Variants in MSANTD2 observed in about 807,000 individuals in gnomAD.
MSANTD2 encodes myb/SANT-like DNA-binding domain-containing protein 2.
MSANTD2 carries 19 observed loss-of-function variants against 52.6 expected under a neutral mutation model. The ratio of observed to expected loss-of-function variants is 0.36; its 90% CI spans 0.25 to 0.53. MSANTD2 has a LOEUF of 0.53. Ranked by LOEUF, MSANTD2 falls within the 20% of genes least tolerant of loss-of-function variation. The pLI, the probability that MSANTD2 is intolerant of heterozygous loss-of-function variation, is 0.91. For missense variants in MSANTD2, 558 were observed against 716.3 expected (o/e 0.78, Z 2.52); for synonymous variants, 291 against 289.7 (o/e 1.00, Z -0.04).
At chr11:124,783,492 C>T (rs1945054995) in intron 1 of MSANTD2, among the ~76,000 whole-genome samples, 1 of 152,066 alleles carries the variant, frequency 6.6e-6, no homozygotes. Flanking sequence ...TGGTGATGCA[C>T]ACCTGTAGTC....
chr11:124,774,078 C>T lies in MSANTD2; in HGVS notation c.766+641G>A, dbSNP rs548620492. 6.6e-6 allele frequency among the ~76,000 whole-genome samples: 1 copy of T among 152,292 alleles called. No individual in the cohort carries two copies. The highest frequency in any genetic ancestry group is 6.5e-5 in the Admixed American group (1 of 15,302). ...ATTTGATGACCAGGAATTTTATTTTCCATTTTTAATGCCTATGACTGTATA... is the reference window on the plus strand; with the variant it reads ...ATTTGATGACCAGGAATTTTATTTTTCATTTTTAATGCCTATGACTGTATA... On this transcript the variant is annotated intron_variant, in intron 2 of 3. Coordinates refer to ENST00000374979, the MANE Select transcript of MSANTD2 (RefSeq NM_001308027.2). This position sits in a 1 kb window ranked among gnomAD's most constrained non-coding sequence, Gnocchi z 5.1.
In MSANTD2 at chr11:124,781,933, G is replaced by A. The variant is rs1224616735; in HGVS notation, c.511-6959C>T. On this transcript the variant is annotated intron_variant, in intron 1 of 3. Transcript: ENST00000374979. ...CTCCCAAAGTGCTGGGATTACAGGC[G>A]TGAGCCACCACGCCTGGCCAATGTC... is the stretch of plus-strand genomic sequence containing the variant. 3.9e-5 allele frequency among the ~76,000 whole-genome samples: 6 copies of A among 152,082 alleles called. No individual in the cohort carries two copies. The East Asian group carries it at 7.7e-4, about 20-fold the overall frequency.
intron 1 of MSANTD2, chr11:124,790,957 C>A (rs1357121974): frequency 3.4e-6 from 1 of 295,516 alleles, no homozygotes; most frequent in Non-Finnish European, 6.5e-6. Flanking sequence ...AAATCTTGAT[C>A]TCACTGTATT....
chr11:124,771,611 A>C (rs1438429549), intron 3 of MSANTD2, among the ~76,000 whole-genome samples: 1 of 152,186 alleles, frequency 6.6e-6, no homozygotes, highest in African/African-American at 2.4e-5. Flanking sequence ...CTCTACTAAA[A>C]ATACGAAAAT....
chr11:124,767,158 C>T lies in MSANTD2; in HGVS notation c.*18G>A. ...AGAAGAAGGAGCTAAGAGCCCAAAT[C>T]CTTATGAAGGATGACATTCAGTTGT... On this transcript the variant is annotated 3_prime_UTR_variant, in exon 4 of 4. Transcript: ENST00000374979. The surrounding 1 kb of genome is among the most constrained non-coding windows in gnomAD (Gnocchi z 6.5). 6.4e-7 allele frequency: 1 copy of T among 1,572,534 alleles called. No individual in the cohort carries two copies. Among genetic ancestry groups the T allele is most frequent in the Non-Finnish European group, 8.6e-7 (1 of 1,162,458 alleles).
intron 1 of MSANTD2, among the ~76,000 whole-genome samples, chr11:124,798,452 T>TA (rs1174104808): frequency 6.6e-6 from 1 of 152,162 alleles, no homozygotes; most frequent in Non-Finnish European, 1.5e-5. Context: ...AGCTTTGTCC[T>TA]ATTAGCTACT....
At chr11:124,793,327 C>T (rs1208894754) in intron 1 of MSANTD2, among the ~76,000 whole-genome samples, 1 of 152,074 alleles carries the variant, frequency 6.6e-6, no homozygotes, top group East Asian at 1.9e-4. Context: ...ATCGCCAACT[C>T]TCATCATATT....
intron 3 of MSANTD2, 54 bp downstream of exon 3, chr11:124,772,940 T>C: frequency 9.1e-7 from 1 of 1,093,378 alleles, no homozygotes; most frequent in Admixed American, 1.7e-5. Context: ...ATCTTCCCAA[T>C]GGTCATTAAA....
rs189806804 is a variant in MSANTD2 at position 124,772,533 on chromosome 11, C to T, written c.827+461G>A. Among the ~76,000 whole-genome samples, 514 of 152,094 alleles carry T rather than the reference C, an allele frequency of 3.4e-3. 11 individuals carry two copies. The highest frequency in any genetic ancestry group is 0.031 in the Admixed American group (476 of 15,276). ...TGGGCGGATCACCAGGTCAGGAGATCGAGATAATCCTGGCTAACACGATGA... is the reference window on the plus strand; with the variant it reads ...TGGGCGGATCACCAGGTCAGGAGATTGAGATAATCCTGGCTAACACGATGA... On this transcript the variant is annotated intron_variant, in intron 3 of 3. Transcript: ENST00000374979.
chr11:124,799,543 T>G (rs969022945), intron 1 of MSANTD2, among the ~76,000 whole-genome samples: 69 of 151,510 alleles, frequency 4.6e-4, no homozygotes, highest in Non-Finnish European at 8.1e-4. Context: ...GCCCCGGCGG[T>G]GGGGGCAAGA....
At chr11:124,785,021 AG>A (rs1945113287) in intron 1 of MSANTD2, among the ~76,000 whole-genome samples, 2 of 152,240 alleles carry the variant, frequency 1.3e-5, no homozygotes, top group African/African-American at 4.8e-5. Flanking sequence ...TTTTATTAAA[AG>A]CAACTATCCT....
chr11:124,767,648 G>C lies in MSANTD2; in HGVS notation c.1208C>G (p.Thr403Ser). 6.2e-7 allele frequency: 1 copy of C among 1,614,224 alleles called. No homozygotes were observed. Among genetic ancestry groups the C allele is most frequent in the South Asian group, 1.1e-5 (1 of 91,092 alleles). ...TAAATATTGAACAACATTCCCACCA[G>C]TTGGTTTGGAGTGGGCAATGGGTAT... ...DWIPIAHSKP[T>S]GGNVVQYLLP... is the part of the protein sequence containing the mutation. Residue 403 changes from threonine to serine, a missense_variant, in exon 4 of 4, where the codon ACT becomes AGT. Physicochemically the swap from Thr to Ser is moderately conservative, Grantham distance 58 (BLOSUM62 1). This residue lies in a region of MSANTD2 where 408 missense variants were observed against 573.6 expected (regional missense o/e 0.71). Transcript: ENST00000374979. The surrounding 1 kb of genome is among the most constrained non-coding windows in gnomAD (Gnocchi z 6.5).
intron 1 of MSANTD2, among the ~76,000 whole-genome samples, chr11:124,778,188 TCAGA>T (rs1944817761): frequency 6.6e-6 from 1 of 152,198 alleles, no homozygotes; most frequent in Non-Finnish European, 1.5e-5. Flanking sequence ...AATTCCCATT[TCAGA>T]CAGCTCTCAA....
intron 1 of MSANTD2, among the ~76,000 whole-genome samples, chr11:124,785,144 C>T (rs746841311): frequency 3.3e-5 from 5 of 152,150 alleles, no homozygotes; most frequent in Non-Finnish European, 4.4e-5. Flanking sequence ...TTTATAAAGA[C>T]TGCTAAGAGA....
intron 1 of MSANTD2, chr11:124,789,446 T>C (rs1201255686): frequency 6.6e-6 from 1 of 152,176 alleles, no homozygotes; most frequent in African/African-American, 2.4e-5. Flanking sequence ...GTTATTTATA[T>C]TGAATGAAGT....
At chr11:124,791,315 C>G (rs898338794) in intron 1 of MSANTD2, 12 of 1,435,096 alleles carry the variant, frequency 8.4e-6, no homozygotes, top group Non-Finnish European at 1.2e-5. Flanking sequence ...TGGAGGGTCT[C>G]CAGGAGAGAG....
At position 124,779,242 on chromosome 11, in the gene MSANTD2, C is replaced by G. The variant is rs1944858610; in HGVS notation, c.511-4268G>C. 6.6e-6 allele frequency: 1 copy of G among 152,160 alleles called. No individual in the cohort carries two copies. Among genetic ancestry groups the G allele is most frequent in the Non-Finnish European group, 1.5e-5 (1 of 68,040 alleles). The allele number at this position is 152,160 out of a possible 1,614,324, so 9.4% of individuals were successfully genotyped here. ...CAGGGACAGTGGTTTCATCAAAGCC[C>G]TTCCTGACATTACCTAAGCTACTTT... On this transcript the variant is annotated intron_variant, in intron 1 of 3. Coordinates refer to ENST00000374979, the MANE Select transcript of MSANTD2 (RefSeq NM_001308027.2). This position sits in a 1 kb window ranked among gnomAD's most constrained non-coding sequence, Gnocchi z 4.6.
intron 1 of MSANTD2, among the ~76,000 whole-genome samples, chr11:124,796,491 G>A (rs759775501): frequency 2.0e-5 from 3 of 152,024 alleles, no homozygotes; most frequent in African/African-American, 7.3e-5. Context: ...GGAGTACAGT[G>A]GCTATTTACA....
At chr11:124,784,538 T>C (rs1438953687) in intron 1 of MSANTD2, 4 of 984,662 alleles carry the variant, frequency 4.1e-6, no homozygotes, top group Non-Finnish European at 2.4e-6. Context: ...CAACATCGTA[T>C]TGCTTCCCAA....
Sources: allele counts gnomAD v4.1 joint callset (sites outside exome capture counted in the v4.1 genomes callset), GRCh38; gene constraint gnomAD v4.1.1; regional missense constraint gnomAD v4.1.1; non-coding constraint Gnocchi (gnomAD v3.1); transcripts MANE v1.5; gene names NCBI Gene and HGNC (gene_info 2026-07-23, HGNC 2026-07-21).